The following TXNDC15 variants were observed in gnomAD, a reference collection of about 807,000 sequenced individuals.
TXNDC15 encodes the protein thioredoxin domain-containing protein 15.
Under a neutral mutation model 35.0 loss-of-function variants are expected in TXNDC15, and 24 were observed. That is an observed-to-expected ratio of 0.68 (90% CI 0.50 to 0.96). The LOEUF (loss-of-function observed/expected upper bound fraction) is 0.96, where lower values mean the gene tolerates loss of function less well. TXNDC15 is among the 40% of genes least tolerant of loss of function. The pLI is 0.00. For synonymous variants in TXNDC15, 169 were observed against 174.0 expected, an observed-to-expected ratio of 0.97 and a Z score of 0.23; for missense variants, 385 against 453.3, an observed-to-expected ratio of 0.85 and a Z score of 1.37.
rs545746764 is a variant in TXNDC15, at chr5:134,882,241, G to A, written c.104-5454G>A. Among the ~76,000 whole-genome samples, 14 of 150,552 alleles carry A rather than the reference G, an allele frequency of 9.3e-5. 1 individual carries two copies. In the South Asian group the frequency reaches 2.8e-3, roughly 30 times the overall value. ...CAGAGGCGCTCCCCACATCTCAGAC[G>A]ATGGGTGGCCGGGCAGAGACGCTCC... On this transcript the variant is annotated intron_variant, in intron 1 of 4. Coordinates refer to ENST00000358387, the MANE Select transcript of TXNDC15 (RefSeq NM_024715.4).
chr5:134,886,852 T>A (rs1007265831), intron 1 of TXNDC15, among the ~76,000 whole-genome samples: 4 of 152,246 alleles, frequency 2.6e-5, no homozygotes, highest in African/African-American at 9.6e-5. Flanking sequence ...ACTATCTGTG[T>A]ACCATCGGAC....
chr5:134,875,376 G>A (rs781479257), intron 1 of TXNDC15: 1 of 456,320 alleles, frequency 2.2e-6, no homozygotes. Context: ...AGGCAGGACA[G>A]CAGAGAGTTG....
intron 1 of TXNDC15, among the ~76,000 whole-genome samples, chr5:134,880,692 C>T (rs1750124545): frequency 1.3e-5 from 2 of 152,116 alleles, no homozygotes; most frequent in Non-Finnish European, 2.9e-5. Context: ...ATCCACCTGC[C>T]TCGGTCTCCC....
intron 1 of TXNDC15, among the ~76,000 whole-genome samples, chr5:134,881,842 C>T (rs568281808): frequency 6.7e-5 from 10 of 149,462 alleles, no homozygotes; most frequent in South Asian, 2.1e-4. Context: ...CCCTCCCGGA[C>T]GGGGCGGCTG....
At chr5:134,898,149 A>C (rs931300695) in intron 4 of TXNDC15, among the ~76,000 whole-genome samples, 13 of 152,160 alleles carry the variant, frequency 8.5e-5, no homozygotes, top group African/African-American at 3.1e-4. Flanking sequence ...TTTGGACTTC[A>C]TATTAATGGA....
At chr5:134,891,174 G>A (rs1194790344) in intron 2 of TXNDC15, among the ~76,000 whole-genome samples, 1 of 152,172 alleles carries the variant, frequency 6.6e-6, no homozygotes, top group African/African-American at 2.4e-5. Context: ...CACCTGCCAT[G>A]AATCACAGAT....
chr5:134,884,833 T>C (rs1223255727), intron 1 of TXNDC15, among the ~76,000 whole-genome samples: 2 of 152,170 alleles, frequency 1.3e-5, no homozygotes, highest in African/African-American at 4.8e-5. Context: ...ATTTTCCTGC[T>C]TCCTTATATG....
In TXNDC15 at chr5:134,893,494, C is replaced by A; in HGVS notation, c.594C>A (p.Asp198Glu). Residue 198 changes from aspartate to glutamate, a missense_variant and splice_region_variant, in exon 3 of 5, where the codon GAC becomes GAA. By Grantham distance (45) the Asp-to-Glu change is conservative. Transcript: ENST00000358387. ...AATGCTTGTTTCTTTTACCACAGGA[C>A]CTTATGGATTTTCTGAACCCAAACG... ...FTLKILNMSQ[D>E]LMDFLNPNGS... The A allele has an allele frequency of 6.2e-7, 1 of 1,614,170 alleles. No homozygotes were observed. The highest frequency in any genetic ancestry group is 8.5e-7 in the Non-Finnish European group (1 of 1,180,018).
At chr5:134,874,786 G>A (rs1426734518) in intron 1 of TXNDC15, among the ~76,000 whole-genome samples, 5 of 152,264 alleles carry the variant, frequency 3.3e-5, no homozygotes, top group Non-Finnish European at 7.3e-5. Flanking sequence ...GCCCGTGGCT[G>A]GTAGCCAGGA....
rs765981856 is a variant in TXNDC15 at position 134,887,715 on chromosome 5, T to C, written c.124T>C (p.Leu42=). ...GVEVAEESGR[L]WSEEQPAHPL... ...TTTAGTTGCAGAGGAAAGTGGTCGC[T>C]TATGGTCAGAGGAGCAGCCTGCTCA... The change falls in exon 2 of 5, where the codon TTA becomes CTA. Residue 42 remains leucine (L), a synonymous_variant. Coordinates refer to ENST00000358387, the MANE Select transcript of TXNDC15 (RefSeq NM_024715.4). 1.3e-6 allele frequency: 2 copies of C among 1,595,384 alleles called. No homozygotes were observed. Among genetic ancestry groups the C allele is most frequent in the Non-Finnish European group, 1.7e-6 (2 of 1,168,252 alleles).
rs747005776 is a variant in TXNDC15, at chr5:134,896,322, G to A, written c.784G>A (p.Val262Ile). ...TTCTACCAGGTTTGGCACCGTAGCTGTTCCTAATATTTTATTATTTCAAGG... is the reference window on the plus strand; with the variant it reads ...TTCTACCAGGTTTGGCACCGTAGCTATTCCTAATATTTTATTATTTCAAGG... ...SLSTRFGTVAVPNILLFQGAK... is the reference protein window; with the variant it reads ...SLSTRFGTVAIPNILLFQGAK... The change falls in exon 4 of 5, where the codon GTT becomes ATT. Residue 262 changes from valine (V) to isoleucine (I), a missense_variant. Coordinates refer to ENST00000358387, the MANE Select transcript of TXNDC15 (RefSeq NM_024715.4). The A allele has an allele frequency of 4.2e-5, 67 of 1,613,682 alleles. No individual in the cohort carries two copies. The highest frequency in any genetic ancestry group is 1.6e-4 in the South Asian group (15 of 91,022).
At chr5:134,887,564 C>G in intron 1 of TXNDC15, 131 bp from the exon 2 acceptor site, 1 of 1,134,450 alleles carries the variant, frequency 8.8e-7, no homozygotes, top group Non-Finnish European at 1.2e-6. Context: ...GAGTAGCTCT[C>G]TGATAGTTTA....
At chr5:134,891,992 G>A (rs1428097148) in intron 2 of TXNDC15, among the ~76,000 whole-genome samples, 1 of 152,088 alleles carries the variant, frequency 6.6e-6, no homozygotes, top group East Asian at 1.9e-4. Flanking sequence ...TCTAAAAAGA[G>A]TCCGCCTGTC....
Position 134,874,548 on chromosome 5 carries a change from G to T in TXNDC15, c.103+18G>T, listed in dbSNP as rs1451297902. 1.3e-6 allele frequency: 2 copies of T among 1,587,160 alleles called. No individual in the cohort carries two copies. Among genetic ancestry groups the T allele is most frequent in the African/African-American group, 2.8e-5 (2 of 72,260 alleles). On this transcript the variant is annotated intron_variant, in intron 1 of 4. Transcript: ENST00000358387. ...CGTGGAGGGTGAGTGTGGGCCGGGGGCGGTGCATGAGATGATGGGGCGAGC... is the reference window on the plus strand; with the variant it reads ...CGTGGAGGGTGAGTGTGGGCCGGGGTCGGTGCATGAGATGATGGGGCGAGC...
chr5:134,894,369 CTTT>C (rs556643965), intron 3 of TXNDC15, among the ~76,000 whole-genome samples: 4 of 131,394 alleles, frequency 3.0e-5, no homozygotes, highest in Non-Finnish European at 5.0e-5. Flanking sequence ...TTTTTTTTTT[CTTT>C]TTTTTTTTTT....
chr5:134,896,793 G>A (rs1370928357), intron 4 of TXNDC15, among the ~76,000 whole-genome samples: 3 of 151,398 alleles, frequency 2.0e-5, no homozygotes, highest in African/African-American at 4.9e-5. Context: ...ACAGGCGCCC[G>A]CCACCATACC....
chr5:134,879,666 GCAC>G (rs1323276575), intron 1 of TXNDC15, among the ~76,000 whole-genome samples: 1 of 152,096 alleles, frequency 6.6e-6, no homozygotes, highest in Non-Finnish European at 1.5e-5. Flanking sequence ...CCCTTCCCAG[GCAC>G]CCAGCCGCTT....
chr5:134,881,336 C>T (rs1750140119), intron 1 of TXNDC15, among the ~76,000 whole-genome samples: 1 of 112,204 alleles, frequency 8.9e-6, no homozygotes, highest in Non-Finnish European at 1.8e-5. Flanking sequence ...ACCCTGCGGC[C>T]TTCCGCAGTG....
At chr5:134,874,899 A>G (rs1750001684) in intron 1 of TXNDC15, among the ~76,000 whole-genome samples, 1 of 152,248 alleles carries the variant, frequency 6.6e-6, no homozygotes, top group South Asian at 2.1e-4. Context: ...CCGTATTAGG[A>G]GCCAGGAACT....
Sources: gnomAD v4.1 joint callset for allele counts (sites outside exome capture counted in the v4.1 genomes callset) on GRCh38, gnomAD v4.1.1 for gene constraint, MANE v1.5 for transcripts, NCBI Gene and HGNC (gene_info 2026-07-23, HGNC 2026-07-21) for gene names.